CHD1: variants seen among roughly 807,000 people sequenced by gnomAD.
CHD1 encodes the protein ATP-dependent chromatin remodeler CHD1.
CHD1 carries 36 observed loss-of-function variants against 224.2 expected under a neutral mutation model. That is an observed-to-expected ratio of 0.16 (90% CI 0.12 to 0.21). The LOEUF is 0.21. CHD1 is among the 10% of genes least tolerant of loss of function. The pLI, the probability that CHD1 is intolerant of heterozygous loss-of-function variation, is 1.00. For synonymous variants in CHD1, 668 were observed against 658.3 expected, an observed-to-expected ratio of 1.01 and a Z score of -0.23; for missense variants, 1,378 against 1,994.8, an observed-to-expected ratio of 0.69 and a Z score of 5.89.
intron 31 of CHD1, among the ~76,000 whole-genome samples, chr5:98,867,304 G>A (rs911030075): frequency 8.5e-5 from 13 of 152,272 alleles, no homozygotes; most frequent in South Asian, 4.1e-4. Context: ...TATTTGACAA[G>A]AGATATTGCC....
intron 3 of CHD1, among the ~76,000 whole-genome samples, chr5:98,904,543 T>C (rs1751927193): frequency 6.6e-6 from 1 of 152,218 alleles, no homozygotes; most frequent in Non-Finnish European, 1.5e-5. Context: ...TTGAAGCTCT[T>C]GAAAGTAGAG....
intron 31 of CHD1, among the ~76,000 whole-genome samples, 164 bp downstream of exon 31, chr5:98,868,331 G>GAA (rs58475767): frequency 1.3e-4 from 12 of 91,704 alleles, no homozygotes; most frequent in African/African-American, 2.3e-4. Flanking sequence ...ACTCAAAAAA[G>GAA]AAAAAAAAAA....
intron 2 of CHD1, among the ~76,000 whole-genome samples, chr5:98,920,069 A>G (rs1190490237): frequency 1.3e-5 from 2 of 152,152 alleles, no homozygotes; most frequent in African/African-American, 2.4e-5. Context: ...ATTATACAAT[A>G]GATACATAAA....
intron 15 of CHD1, among the ~76,000 whole-genome samples, chr5:98,890,308 T>C (rs1344199017): frequency 6.6e-6 from 1 of 152,232 alleles, no homozygotes; most frequent in African/African-American, 2.4e-5. Flanking sequence ...TTTATTACCA[T>C]TCTTTACCAC....
Position 98,896,206 on chromosome 5 carries a change from T to G in CHD1, c.1710+20A>C. The G allele has an allele frequency of 6.3e-7, 1 of 1,582,232 alleles. No individual in the cohort carries two copies. The highest frequency in any genetic ancestry group is 8.7e-7 in the Non-Finnish European group (1 of 1,151,230). Reference sequence around the variant, plus strand: ...AGACAAGTACATTTTGATTTCTACATTTACAGGGAAACAACTTACCATGTT... The same window carrying G: ...AGACAAGTACATTTTGATTTCTACAGTTACAGGGAAACAACTTACCATGTT... On this transcript the variant is annotated intron_variant, in intron 12 of 35. Coordinates refer to ENST00000614616, the MANE Select transcript of CHD1 (RefSeq NM_001270.4).
intron 11 of CHD1, 99 bp from the exon 12 acceptor site, chr5:98,896,541 A>G: frequency 2.7e-6 from 2 of 736,190 alleles, no homozygotes; most frequent in Non-Finnish European, 4.5e-6. Flanking sequence ...GTTAAATAAA[A>G]TTGATAGGTA....
chr5:98,888,390 C>T (rs1750791613), intron 16 of CHD1, 150 bp from the exon 17 acceptor site: 1 of 623,646 alleles, frequency 1.6e-6, no homozygotes. Flanking sequence ...TTTTCTAAGA[C>T]CTTTACCATT....
chr5:98,876,128 G>A (rs111937811), intron 24 of CHD1, among the ~76,000 whole-genome samples: 3 of 152,062 alleles, frequency 2.0e-5, no homozygotes, highest in African/African-American at 4.8e-5. Context: ...TTTATTATTC[G>A]AAAGGATCAC....
At chr5:98,888,007 T>C in intron 17 of CHD1, 81 bp downstream of exon 17, 2 of 903,250 alleles carry the variant, frequency 2.2e-6, no homozygotes, top group African/African-American at 1.7e-5. Context: ...TAAACACTTA[T>C]AAAATAATTT....
At chr5:98,873,415 C>A (rs1208117473) in intron 26 of CHD1, among the ~76,000 whole-genome samples, 178 bp downstream of exon 26, 1 of 152,096 alleles carries the variant, frequency 6.6e-6, no homozygotes, top group African/African-American at 2.4e-5. Context: ...GATTCTACTG[C>A]CTTCGAATTG....
chr5:98,926,329 C>T lies in CHD1; in HGVS notation c.53+5G>A. The stretch of plus-strand genomic sequence containing the variant: ...TAAACAATTGATAACAAAGTGCTTA[C>T]TTACCTTGATTCTCCACTACTGTTT... On this transcript the variant is annotated splice_donor_5th_base_variant and intron_variant, in intron 2 of 35. Coordinates refer to ENST00000614616, the MANE Select transcript of CHD1 (RefSeq NM_001270.4). The T allele has an allele frequency of 6.6e-7, 1 of 1,509,420 alleles. No individual in the cohort carries two copies. Among genetic ancestry groups the T allele is most frequent in the Non-Finnish European group, 8.9e-7 (1 of 1,119,526 alleles). The allele number at this position is 1,509,420 out of a possible 1,614,324, so 93.5% of individuals were successfully genotyped here. A position where few individuals can be genotyped will look rare whatever the true frequency, so the allele number is the denominator to read the frequency against.
intron 2 of CHD1, among the ~76,000 whole-genome samples, chr5:98,917,314 A>AAAACCT (rs1752803444): frequency 6.8e-6 from 1 of 147,480 alleles, no homozygotes; most frequent in Non-Finnish European, 1.5e-5. Flanking sequence ...AAAAAAAACA[A>AAAACCT]CCTCTTAATT....
In CHD1 at chr5:98,856,509, G is replaced by A; in HGVS notation, c.5004C>T (p.His1668=). 1 of 1,613,896 alleles carries A rather than the reference G, an allele frequency of 6.2e-7. No homozygotes were observed. The highest frequency in any genetic ancestry group is 8.5e-7 in the Non-Finnish European group (1 of 1,179,828). Residue 1668 remains histidine (H), a synonymous_variant, in exon 36 of 36, where the codon CAC becomes CAT. Transcript: ENST00000614616. ...YRYHSDWQMD[H]RASSSGPRSP... ...ACCTAGGGCCACTGCTGGAAGCTCT[G>A]TGGTCCATTTGCCAGTCTGAGTGAT...
At chr5:98,894,487 T>A (rs781311626) in intron 13 of CHD1, 110 bp downstream of exon 13, 3 of 422,268 alleles carry the variant, frequency 7.1e-6, no homozygotes, top group Middle Eastern at 3.3e-4. Flanking sequence ...GACCACAGGC[T>A]ATAGCTTGCT....
chr5:98,906,928 A>AT (rs1561535446), intron 2 of CHD1, among the ~76,000 whole-genome samples: 1 of 152,270 alleles, frequency 6.6e-6, no homozygotes, highest in African/African-American at 2.4e-5. Context: ...ATGAAACTCA[A>AT]TTTTTTTCCA....
chr5:98,894,684 T>C lies in CHD1; in HGVS notation c.1713A>G (p.Ile571Met). The stretch of plus-strand genomic sequence containing the variant: ...GATGATGCGTCCATTCATGAGTTCT[T>C]ATCTATTAAGAAATTTGAAGGACAA... Reference protein sequence around the residue: ...YLGDINSRNMIRTHEWTHHQT... With the variant: ...YLGDINSRNMMRTHEWTHHQT... Residue 571 changes from isoleucine to methionine, a missense_variant and splice_region_variant, in exon 13 of 36, where the codon ATA (isoleucine) becomes ATG (methionine). Physicochemically the swap from Ile to Met is conservative, Grantham distance 10. Around this residue, in one of 16 missense-constraint regions of CHD1, gnomAD observed 49 missense variants for 135.7 expected, o/e 0.36. Transcript: ENST00000614616. 2.1e-6 allele frequency: 3 copies of C among 1,429,466 alleles called. No individual in the cohort carries two copies. Among genetic ancestry groups the C allele is most frequent in the East Asian group, 2.3e-5 (1 of 42,976 alleles). The allele number at this position is 1,429,466 out of a possible 1,614,324, so 88.5% of individuals were successfully genotyped here.
Position 98,856,420 on chromosome 5 carries a change from T to C in CHD1, c.5093A>G (p.Lys1698Arg), listed in dbSNP as rs758175315. Residue 1698 changes from lysine to arginine, a missense_variant, in exon 36 of 36, where the codon AAA (lysine) becomes AGA (arginine). By Grantham distance (26) the Lys-to-Arg change is conservative. Coordinates refer to ENST00000614616, the MANE Select transcript of CHD1 (RefSeq NM_001270.4). ...RSPFEHSVEH[K>R]STPEHTWSSR... The stretch of plus-strand genomic sequence containing the variant: ...ACTCCAGGTATGCTCCGGTGTACTT[T>C]TGTGTTCAACTGAATGTTCAAATGG... 5.0e-6 allele frequency: 8 copies of C among 1,613,528 alleles called. No homozygotes were observed. Among genetic ancestry groups the C allele is most frequent in the Admixed American group, 1.7e-5 (1 of 59,974 alleles).
At chr5:98,869,152 CT>C in intron 30 of CHD1, 2 of 957,494 alleles carry the variant, frequency 2.1e-6, no homozygotes, top group Non-Finnish European at 2.5e-6. Context: ...TTTTATTCTC[CT>C]TTTCTTTTGC....
intron 2 of CHD1, among the ~76,000 whole-genome samples, chr5:98,917,382 C>G (rs1403868696): frequency 1.3e-5 from 2 of 150,942 alleles, no homozygotes; most frequent in Admixed American, 1.3e-4. Flanking sequence ...TTTGATTGGC[C>G]ACAGATTTTA....
Sources: allele counts gnomAD v4.1 joint callset (sites outside exome capture counted in the v4.1 genomes callset), GRCh38; gene constraint gnomAD v4.1.1; regional missense constraint gnomAD v4.1.1; transcripts MANE v1.5; gene names NCBI Gene and HGNC (gene_info 2026-07-23, HGNC 2026-07-21).